Variants in UNC13C observed in about 807,000 individuals in gnomAD.
The protein encoded by UNC13C is unc-13 homolog C, also known as protein unc-13 homolog C.
A neutral mutation model predicts 245.4 loss-of-function variants in UNC13C; 174 were observed. The ratio of observed to expected loss-of-function variants is 0.71; its 90% confidence interval spans 0.63 to 0.80. The LOEUF is 0.80. Ranked by LOEUF, UNC13C falls within the 30% of genes least tolerant of loss-of-function variation. The probability of loss-of-function intolerance (pLI) is 0.00; values close to 1 mark genes in which losing one functional copy is unlikely to be tolerated. For missense variants in UNC13C, 2,829 were observed against 2,602.9 expected, an observed-to-expected ratio of 1.09 and a Z score of -1.89; for synonymous variants, 992 against 895.1, an observed-to-expected ratio of 1.11 and a Z score of -1.93.
rs148814708 is a variant in UNC13C at position 54,579,332 on chromosome 15, A to G, written c.6106+11385A>G. Among the ~76,000 whole-genome samples, 1,320 of 152,278 alleles carry G rather than the reference A, an allele frequency of 8.7e-3. 15 individuals are homozygous for G. The highest frequency in any genetic ancestry group is 0.03 in the African/African-American group (1,245 of 41,572). ...TTGAATTATAATTTTATTTAAAAAT[A>G]TAAAAAATATACTTTCTTATGCAAA... On this transcript the variant is annotated intron_variant, in intron 30 of 32. Transcript: ENST00000260323.
At chr15:53,896,770 T>C in the UNC13C span, among the ~76,000 whole-genome samples, 2 of 152,282 alleles carry the variant, frequency 1.3e-5, no homozygotes, top group Middle Eastern at 3.4e-3. Context: ...GACTATCCCA[T>C]ATTCTTTAGC....
At chr15:54,391,570 G>A (rs1369597345) in intron 17 of UNC13C, among the ~76,000 whole-genome samples, 2 of 151,896 alleles carry the variant, frequency 1.3e-5, no homozygotes, top group Non-Finnish European at 2.9e-5. Context: ...AGTTGTTCTC[G>A]GGGATCATAT....
At chr15:53,998,693 T>A (rs555561879) in intron 1 of UNC13C, among the ~76,000 whole-genome samples, 61 of 152,282 alleles carry the variant, frequency 4.0e-4, no homozygotes, top group Middle Eastern at 3.4e-3. Flanking sequence ...TTAATCCCTA[T>A]CTAAGAGAAA....
intron 10 of UNC13C, among the ~76,000 whole-genome samples, chr15:54,274,519 C>T (rs895223538): frequency 6.6e-6 from 1 of 151,964 alleles, no homozygotes; most frequent in Non-Finnish European, 1.5e-5. Context: ...TAATCCATCC[C>T]AACAAGCAAA....
At chr15:54,058,174 C>A (rs893081473) in intron 2 of UNC13C, among the ~76,000 whole-genome samples, 1 of 152,070 alleles carries the variant, frequency 6.6e-6, no homozygotes, top group African/African-American at 2.4e-5. Flanking sequence ...AATCCAGGAG[C>A]TGTTTTTTTG....
the UNC13C span, among the ~76,000 whole-genome samples, chr15:53,853,442 T>G: frequency 6.6e-6 from 1 of 152,226 alleles, no homozygotes; most frequent in Non-Finnish European, 1.5e-5. Context: ...CTTGCTATTG[T>G]GAATAGTGGG....
the UNC13C span, among the ~76,000 whole-genome samples, chr15:53,964,031 G>A: frequency 6.6e-6 from 1 of 152,242 alleles, no homozygotes; most frequent in South Asian, 2.1e-4. Context: ...AGGCCCATCT[G>A]TCTGGAAAGA....
chr15:54,535,526 C>T (rs1895949609), intron 26 of UNC13C, among the ~76,000 whole-genome samples: 1 of 152,006 alleles, frequency 6.6e-6, no homozygotes, highest in East Asian at 1.9e-4. Flanking sequence ...GATACTCAAC[C>T]CAACAAAAAC....
At chr15:54,164,019 G>C (rs964394424) in intron 4 of UNC13C, among the ~76,000 whole-genome samples, 3 of 152,114 alleles carry the variant, frequency 2.0e-5, no homozygotes, top group Non-Finnish European at 2.9e-5. Context: ...GTGGATTGTA[G>C]ATGCTCTTAC....
In UNC13C at chr15:54,565,864, C is replaced by G. The variant is rs1167330682; in HGVS notation, c.5959-1936C>G. 2.0e-5 allele frequency among the ~76,000 whole-genome samples: 3 copies of G among 151,968 alleles called. No individual in the cohort carries two copies. The East Asian group carries it at 5.8e-4, about 29-fold the overall frequency. On this transcript the variant is annotated intron_variant, in intron 29 of 32. Coordinates refer to ENST00000260323, the MANE Select transcript of UNC13C (RefSeq NM_001080534.3). ...ATGTGTATCATAGACAGAATATCCA[C>G]TAATCTTTTCTGCTCCTTTTTCCCC... is the stretch of plus-strand genomic sequence containing the variant.
intron 26 of UNC13C, among the ~76,000 whole-genome samples, chr15:54,540,960 G>A (rs1235219776): frequency 1.3e-5 from 2 of 151,908 alleles, no homozygotes; most frequent in Non-Finnish European, 2.9e-5. Flanking sequence ...TTTTTCTGTG[G>A]ATAGCCTTTG....
Position 54,538,545 on chromosome 15 carries a change from G to A in UNC13C, c.5696+5479G>A, listed in dbSNP as rs147265279. Among the ~76,000 whole-genome samples the A allele has an allele frequency of 4.2e-3, 632 of 152,108 alleles. 2 individuals carry two copies. Among genetic ancestry groups the A allele is most frequent in the South Asian group, 0.013 (64 of 4,828 alleles). On this transcript the variant is annotated intron_variant, in intron 26 of 32. Coordinates refer to ENST00000260323, the MANE Select transcript of UNC13C (RefSeq NM_001080534.3). ...TTCTACCGTAAAGACACATGCATGC[G>A]TATGTTCATTGCAGCACTGTTCACA...
intron 30 of UNC13C, among the ~76,000 whole-genome samples, chr15:54,618,591 T>C (rs570626377): frequency 6.6e-6 from 1 of 152,168 alleles, no homozygotes; most frequent in African/African-American, 2.4e-5. Flanking sequence ...TTTGGTTCAA[T>C]TTCATTTTTA....
intron 28 of UNC13C, among the ~76,000 whole-genome samples, chr15:54,551,010 G>A (rs1896711649): frequency 6.6e-6 from 1 of 152,140 alleles, no homozygotes; most frequent in Admixed American, 6.6e-5. Flanking sequence ...CTATCAGCTA[G>A]AACTATTTCA....
chr15:54,103,659 AT>A (rs200260297), intron 2 of UNC13C, among the ~76,000 whole-genome samples: 7 of 151,412 alleles, frequency 4.6e-5, no homozygotes, highest in African/African-American at 9.7e-5. Flanking sequence ...CCCTGTCATT[AT>A]TTTTTTTTCT....
At chr15:54,309,683 G>A (rs1319967458) in intron 13 of UNC13C, among the ~76,000 whole-genome samples, 1 of 151,758 alleles carries the variant, frequency 6.6e-6, no homozygotes, top group African/African-American at 2.4e-5. Flanking sequence ...TATTTTATAT[G>A]GTGTGGGATA....
chr15:54,295,905 C>T (rs1174813081), intron 11 of UNC13C, among the ~76,000 whole-genome samples: 1 of 152,146 alleles, frequency 6.6e-6, no homozygotes, highest in Non-Finnish European at 1.5e-5. Context: ...ACAGGTTTTA[C>T]CTTTTTTAGC....
At chr15:53,928,691 G>A in the UNC13C span, among the ~76,000 whole-genome samples, 1 of 152,166 alleles carries the variant, frequency 6.6e-6, no homozygotes, top group Non-Finnish European at 1.5e-5. Flanking sequence ...CTTGCAGTTG[G>A]GATTAATCAT....
At position 54,237,628 on chromosome 15, in the gene UNC13C, G is replaced by A. The variant is rs191325765; in HGVS notation, c.3166G>A (p.Ala1056Thr). The A allele has an allele frequency of 5.0e-6, 8 of 1,611,896 alleles. No homozygotes were observed. In the East Asian group the frequency reaches 1.6e-4, roughly 31 times the overall value. ...IVRDVAMTLA[A>T]RKSGLSLAMV... is the part of the protein sequence containing the mutation. ...ATTCTGTTTGTTTTAGACCCTGGCTGCCCGGAAATCTGGACTCTCCCTGGC... is the reference window on the plus strand; with the variant it reads ...ATTCTGTTTGTTTTAGACCCTGGCTACCCGGAAATCTGGACTCTCCCTGGC... The change falls in exon 7 of 33, where the codon GCC becomes ACC. Residue 1056 changes from alanine (A) to threonine (T), a missense_variant. Transcript: ENST00000260323.
Sources: allele counts gnomAD v4.1 joint callset (sites outside exome capture counted in the v4.1 genomes callset), GRCh38; gene constraint gnomAD v4.1.1; transcripts MANE v1.5; gene names NCBI Gene and HGNC (gene_info 2026-07-23, HGNC 2026-07-21).